Variants in POLG observed in about 807,000 individuals in gnomAD.
The protein encoded by POLG is DNA polymerase subunit gamma-1.
Under a neutral mutation model 155.4 loss-of-function variants are expected in POLG, and 110 were observed. The observed-to-expected ratio is 0.71, with a 90% CI of 0.61 to 0.83. The LOEUF (loss-of-function observed/expected upper bound fraction) is 0.83, where lower values mean the gene tolerates loss of function less well. Ranked by LOEUF, POLG falls within the 40% of genes least tolerant of loss-of-function variation. The pLI is 0.00. For missense variants in POLG, 1,685 were observed against 1,627.5 expected (o/e 1.04, Z -0.61); for synonymous variants, 701 against 631.5 (o/e 1.11, Z -1.65).
rs1567189723 is a variant in POLG at position 89,325,181 on chromosome 15, AGTGAGTGAGTG to A, written c.1949+258_1949+268del. ...GAGTGAGTGAGTGAGAGAGTGAGAG[AGTGAGTGAGTG>A]AGAGAGTGAGTGAGAGAGTGAGTGA... On this transcript the variant is annotated intron_variant, in intron 10 of 22. Coordinates refer to ENST00000268124, the MANE Select transcript of POLG (RefSeq NM_002693.3). 2.5e-4 allele frequency among the ~76,000 whole-genome samples: 23 copies of A among 90,386 alleles called. 5 individuals are homozygous for A. Among genetic ancestry groups the A allele is most frequent in the African/African-American group, 8.9e-4 (19 of 21,346 alleles). The allele number at this position is 90,386 out of a possible 152,430, so 59.3% of individuals were successfully genotyped here. A position where few individuals can be genotyped will look rare whatever the true frequency, so the allele number is the denominator to read the frequency against.
intron 2 of POLG, 67 bp from the exon 3 acceptor site, chr15:89,330,343 T>A: frequency 1.6e-6 from 2 of 1,216,012 alleles, no homozygotes; most frequent in Non-Finnish European, 2.4e-6. Context: ...CAACAACCAC[T>A]GCACACCTAC....
chr15:89,328,558 C>T (rs773583253), intron 5 of POLG, 23 bp from the exon 6 acceptor site: 12 of 1,611,944 alleles, frequency 7.4e-6, no homozygotes, highest in Admixed American at 6.7e-5. Flanking sequence ...GACAGGAAGG[C>T]GCAAGGTGGG....
chr15:89,322,746 T>C lies in POLG; in HGVS notation c.2422A>G (p.Ile808Val), dbSNP rs745733080. The change falls in exon 14 of 23, where the codon ATC (isoleucine) becomes GTC (valine). Residue 808 changes from isoleucine to valine, a missense_variant. Ile to Val is a conservative substitution (Grantham distance 29). This residue lies in a region of POLG where 1,210 missense variants were observed against 1,167.1 expected (regional missense o/e 1.04). Transcript: ENST00000268124. ...ISFWRNAHKR[I>V]SSQMVVWLPR... ...ACTCCTCCCATGGTGGCCCACCTGA[T>C]ACGTTTATGGGCGTTCCTCCAGAAA... 2 of 1,613,942 alleles carry C rather than the reference T, an allele frequency of 1.2e-6. No individual in the cohort carries two copies. The highest frequency in any genetic ancestry group is 1.7e-6 in the Non-Finnish European group (2 of 1,179,934).
rs770458126 is a variant in POLG, at chr15:89,321,147, G to A, written c.2712C>T (p.Asp904=). 15 of 1,614,112 alleles carry A rather than the reference G, an allele frequency of 9.3e-6. No homozygotes were observed. The East Asian group carries it at 1.1e-4, about 12-fold the overall frequency. The part of the protein sequence containing the change: ...QELWIAAVLG[D]AHFAGMHGCT... ...CACCATGCATGCCGGCAAAGTGGGC[G>A]TCTCCAAGCACAGCTGCAATCCACA... Residue 904 remains aspartate (D), a synonymous_variant, in exon 17 of 23, where the codon GAC becomes GAT. Coordinates refer to ENST00000268124, the MANE Select transcript of POLG (RefSeq NM_002693.3).
In POLG at chr15:89,322,991, CTG is replaced by C. The variant is rs560361978; in HGVS notation, c.2266-91_2266-90del. 452 of 1,330,026 alleles carry C rather than the reference CTG, an allele frequency of 3.4e-4. 1 individual carries two copies. Among genetic ancestry groups the C allele is most frequent in the Non-Finnish European group, 4.5e-4 (431 of 948,352 alleles). The allele number at this position is 1,330,026 out of a possible 1,614,324, so 82.4% of individuals were successfully genotyped here. A position where few individuals can be genotyped will look rare whatever the true frequency, so the allele number is the denominator to read the frequency against. ...GTGAGTACCTGCACTCCTCCCAACA[CTG>C]AGCCCAGAACCTCAGCAGTCTGAGG... is the stretch of plus-strand genomic sequence containing the variant. On this transcript the variant is annotated intron_variant, in intron 13 of 22. Coordinates refer to ENST00000268124, the MANE Select transcript of POLG (RefSeq NM_002693.3).
intron 16 of POLG, 121 bp from the exon 17 acceptor site, chr15:89,321,381 C>T (rs1277638800): frequency 8.6e-7 from 1 of 1,166,614 alleles, no homozygotes; most frequent in Admixed American, 2.0e-5. Context: ...CCAGACAGCA[C>T]TGCTGAAATT....
intron 9 of POLG, among the ~76,000 whole-genome samples, chr15:89,326,273 C>G (rs1234715311): frequency 6.6e-6 from 1 of 152,226 alleles, no homozygotes; most frequent in African/African-American, 2.4e-5. Flanking sequence ...AGTCAGAACT[C>G]TACCTATGGA....
Position 89,319,649 on chromosome 15 carries a change from C to A in POLG, c.2982-299G>T, listed in dbSNP as rs41560612. Among the ~76,000 whole-genome samples, 286 of 152,322 alleles carry A rather than the reference C, an allele frequency of 1.9e-3. 1 individual carries two copies. The highest frequency in any genetic ancestry group is 6.7e-3 in the African/African-American group (277 of 41,562). Reference sequence around the variant, plus strand: ...AGGAGGCACCACTATTCCTACTGTCCTGTTTCTTTAGACACTGAATTGCCC... The same window carrying A: ...AGGAGGCACCACTATTCCTACTGTCATGTTTCTTTAGACACTGAATTGCCC... On this transcript the variant is annotated intron_variant, in intron 18 of 22. Transcript: ENST00000268124.
At chr15:89,323,786 T>G (rs1308217521) in intron 12 of POLG, 29 bp downstream of exon 12, 2 of 1,578,416 alleles carry the variant, frequency 1.3e-6, no homozygotes, top group Non-Finnish European at 1.7e-6. Flanking sequence ...AGCACCCACC[T>G]AGAGAACCCA....
intron 22 of POLG, chr15:89,317,104 T>G (rs1207667204): frequency 8.5e-6 from 5 of 591,652 alleles, no homozygotes; most frequent in Non-Finnish European, 1.5e-5. Context: ...AAGAATGCAC[T>G]CTATAGAATA....
Position 89,325,171 on chromosome 15 carries a change from AGAGTGAGAGAGT to A in POLG, c.1949+267_1949+278del, listed in dbSNP as rs1244075884. On this transcript the variant is annotated intron_variant, in intron 10 of 22. Coordinates refer to ENST00000268124, the MANE Select transcript of POLG (RefSeq NM_002693.3). ...GTGAGTGAGTGAGTGAGTGAGTGAG[AGAGTGAGAGAGT>A]GAGTGAGTGAGAGAGTGAGTGAGAG... Among the ~76,000 whole-genome samples the A allele has an allele frequency of 6.1e-4, 36 of 58,570 alleles. 4 individuals carry two copies. Among genetic ancestry groups the A allele is most frequent in the East Asian group, 6.0e-4 (1 of 1,680 alleles). The allele number at this position is 58,570 out of a possible 152,430, so 38.4% of individuals were successfully genotyped here.
chr15:89,325,203 TGAGAGAGTGAGTGAGTGAGA>T (rs2055486551), intron 10 of POLG, among the ~76,000 whole-genome samples: 1 of 43,284 alleles, frequency 2.3e-5, no homozygotes, highest in African/African-American at 1.3e-4. Context: ...AGAGAGTGAG[TGAGAGAGTGAGTGAGTGAGA>T]GAGTGAGTGA....
rs753839110 is a variant in POLG at position 89,325,635 on chromosome 15, G to A, written c.1764C>T (p.Gly588=). Residue 588 remains glycine (G), a synonymous_variant, in exon 10 of 23, where the codon GGC becomes GGT. Transcript: ENST00000268124. ...PRLDDPAWTP[G]PSLLSLQMRV... is the part of the protein sequence containing the mutation. ...GCATCTGCAGGCTGAGGAGGCTGGG[G>A]CCCGGGGTCCATGCAGGGTCGTCTA... 2.1e-5 allele frequency: 34 copies of A among 1,612,784 alleles called. No homozygotes were observed. In the South Asian group the frequency reaches 2.7e-4, roughly 13 times the overall value.
In POLG at chr15:89,325,081, TGAGAGAGTGAGTGAGTGAGAGAGTGA is replaced by T. The variant is rs2055463624; in HGVS notation, c.1949+343_1949+368del. On this transcript the variant is annotated intron_variant, in intron 10 of 22. Transcript: ENST00000268124. ...GAGAGTGAGTGAGTGAGTGAGTGAG[TGAGAGAGTGAGTGAGTGAGAGAGTGA>T]GAGAGAGTGAGTGAGTGAGTGAGAG... Among the ~76,000 whole-genome samples the T allele has an allele frequency of 1.9e-4, 8 of 43,238 alleles. 2 individuals are homozygous for T. Among genetic ancestry groups the T allele is most frequent in the African/African-American group, 5.5e-4 (6 of 10,862 alleles). 28.4% of individuals were successfully genotyped at this position (43,238 alleles called of 152,430 possible).
chr15:89,333,401 C>T lies in POLG; in HGVS notation c.354G>A (p.Val118=). 1 of 1,600,034 alleles carries T rather than the reference C, an allele frequency of 6.2e-7. No individual in the cohort carries two copies. Among genetic ancestry groups the T allele is most frequent in the Non-Finnish European group, 8.5e-7 (1 of 1,176,438 alleles). Reference sequence around the variant, plus strand: ...GGCGCAGCTCCACGTCGGGCAAGGGCACGGCTGGCTGCCCCCAGAGCCCGT... The same window carrying T: ...GGCGCAGCTCCACGTCGGGCAAGGGTACGGCTGGCTGCCCCCAGAGCCCGT... ...QKHGLWGQPA[V]PLPDVELRLP... Residue 118 remains valine (V), a synonymous_variant, in exon 2 of 23, where the codon GTG becomes GTA. Transcript: ENST00000268124.
chr15:89,330,210 A>T lies in POLG; in HGVS notation c.726T>A (p.Ala242=), dbSNP rs2055576134. 6.2e-7 allele frequency: 1 copy of T among 1,613,472 alleles called. No individual in the cohort carries two copies. The highest frequency in any genetic ancestry group is 1.7e-5 in the Admixed American group (1 of 60,008). ...TAGGGACCTCCAGGGGGATGAGGTC[A>T]GCCGGCGACAGCTGGCTGGTCCAAG... ...RYSWTSQLSP[A]DLIPLEVPTG... The change falls in exon 3 of 23, where the codon GCT becomes GCA. Residue 242 remains alanine, a synonymous_variant. Transcript: ENST00000268124.
At position 89,321,726 on chromosome 15, in the gene POLG, G is replaced by T; in HGVS notation, c.2598+10C>A. On this transcript the variant is annotated intron_variant, in intron 16 of 22. Coordinates refer to ENST00000268124, the MANE Select transcript of POLG (RefSeq NM_002693.3). ...GAAGAGCAGGGGCCAGAGGTACAGA[G>T]GTCACATACCCGGGCATTGCTGGCG... The T allele has an allele frequency of 6.3e-7, 1 of 1,590,698 alleles. No homozygotes were observed. Among genetic ancestry groups the T allele is most frequent in the Non-Finnish European group, 8.6e-7 (1 of 1,159,138 alleles).
At chr15:89,333,977 A>G (rs2055635970) in intron 1 of POLG, 64 bp from the exon 2 acceptor site, 2 of 596,078 alleles carry the variant, frequency 3.4e-6, no homozygotes, top group Admixed American at 3.0e-5. Context: ...ATCCATAATC[A>G]TCATTCCTTG....
At chr15:89,327,670 A>G (rs1476336020) in intron 6 of POLG, among the ~76,000 whole-genome samples, 4 of 152,220 alleles carry the variant, frequency 2.6e-5, no homozygotes, top group African/African-American at 9.6e-5. Flanking sequence ...TAATAATCCC[A>G]TACATGAAAA....
Sources: gnomAD v4.1 joint callset for allele counts (sites outside exome capture counted in the v4.1 genomes callset) on GRCh38, gnomAD v4.1.1 for gene constraint, gnomAD v4.1.1 regional missense constraint, MANE v1.5 for transcripts, NCBI Gene and HGNC (gene_info 2026-07-23, HGNC 2026-07-21) for gene names.